Variants in ANKS1B observed in about 807,000 individuals in gnomAD.
ANKS1B encodes ankyrin repeat and sterile alpha motif domain containing 1B.
A neutral mutation model predicts 148.3 loss-of-function variants in ANKS1B; 36 were observed. The observed-to-expected ratio is 0.24, with a 90% CI of 0.19 to 0.32. ANKS1B has a LOEUF of 0.32. Among genes scored for constraint, ANKS1B ranks in the 10% least tolerant of loss-of-function variants. The pLI is 1.00. For synonymous variants in ANKS1B, 542 were observed against 560.8 expected (o/e 0.97, Z 0.47); for missense variants, 1,157 against 1,542.6 (o/e 0.75, Z 4.19).
At chr12:99,423,646 A>G (rs2095163792) in intron 11 of ANKS1B, among the ~76,000 whole-genome samples, 1 of 152,120 alleles carries the variant, frequency 6.6e-6, no homozygotes. Context: ...ATGGAATATT[A>G]TGCAACAGAA....
rs150610567 is a variant in ANKS1B at position 99,004,457 on chromosome 12, C to G, written c.2778+48700G>C. ...TAGGGATAAATTACTATTTTTATTA[C>G]TATTTTGATGATGGGCTCTTAATAA... is the stretch of plus-strand genomic sequence containing the variant. On this transcript the variant is annotated intron_variant, in intron 17 of 26. Transcript: ENST00000683438. Among the ~76,000 whole-genome samples the G allele has an allele frequency of 5.0e-3, 755 of 152,238 alleles. 2 individuals carry two copies. The highest frequency in any genetic ancestry group is 0.017 in the African/African-American group (709 of 41,536).
At chr12:99,847,912 G>T (rs931887212) in intron 1 of ANKS1B, among the ~76,000 whole-genome samples, 2 of 152,100 alleles carry the variant, frequency 1.3e-5, no homozygotes, top group African/African-American at 2.4e-5. Context: ...TTAAGGCAGA[G>T]TGGGAGTAGA....
At chr12:99,623,981 CAT>C (rs2153381029) in intron 9 of ANKS1B, among the ~76,000 whole-genome samples, 1 of 152,154 alleles carries the variant, frequency 6.6e-6, no homozygotes, top group African/African-American at 2.4e-5. Context: ...AAGTTGGATA[CAT>C]CTTATTACCC....
chr12:99,463,098 G>A (rs549242967), intron 10 of ANKS1B, among the ~76,000 whole-genome samples: 10 of 152,100 alleles, frequency 6.6e-5, no homozygotes, highest in South Asian at 2.1e-4. Flanking sequence ...TAATTCACAC[G>A]GTGAAAAAAA....
At chr12:99,287,198 A>G (rs952652468) in intron 12 of ANKS1B, among the ~76,000 whole-genome samples, 2 of 152,222 alleles carry the variant, frequency 1.3e-5, no homozygotes, top group Non-Finnish European at 2.9e-5. Context: ...CAGGGAGCCC[A>G]GCATGCAGAG....
At chr12:99,981,929 A>G (rs2153864795) in intron 1 of ANKS1B, among the ~76,000 whole-genome samples, 1 of 152,290 alleles carries the variant, frequency 6.6e-6, no homozygotes, top group East Asian at 1.9e-4. Flanking sequence ...TTATCCTGCC[A>G]ATAAATTTCT....
chr12:98,921,971 C>T (rs1330980795), intron 17 of ANKS1B, among the ~76,000 whole-genome samples: 1 of 152,194 alleles, frequency 6.6e-6, no homozygotes, highest in Non-Finnish European at 1.5e-5. Context: ...CCTATAACCT[C>T]AAACAAATGT....
intron 14 of ANKS1B, among the ~76,000 whole-genome samples, chr12:99,155,246 G>A (rs1161119843): frequency 1.3e-5 from 2 of 151,854 alleles, no homozygotes; most frequent in African/African-American, 2.4e-5. Flanking sequence ...ACAGATAAAC[G>A]TTTCTGATCT....
chr12:99,063,266 C>T (rs1478720053), intron 16 of ANKS1B, among the ~76,000 whole-genome samples: 2 of 152,144 alleles, frequency 1.3e-5, no homozygotes, highest in Non-Finnish European at 1.5e-5. Flanking sequence ...CAGGTACTTC[C>T]CTCTATTCTG....
chr12:99,261,951 C>G (rs1333451954), intron 12 of ANKS1B, among the ~76,000 whole-genome samples: 2 of 152,102 alleles, frequency 1.3e-5, no homozygotes, highest in Non-Finnish European at 2.9e-5. Flanking sequence ...GCTCCTACTA[C>G]ACTCCTTTTC....
At chr12:98,864,996 T>C (rs7310600) in intron 17 of ANKS1B, among the ~76,000 whole-genome samples, 15,783 of 152,222 alleles carry the variant, frequency 0.1, 1,101 homozygotes, top group East Asian at 0.24. Context: ...GCTCGCCTTG[T>C]AAATCTTCAA....
intron 17 of ANKS1B, among the ~76,000 whole-genome samples, chr12:98,944,757 T>C (rs1481317416): frequency 1.3e-5 from 2 of 152,246 alleles, no homozygotes; most frequent in African/African-American, 4.8e-5. Flanking sequence ...AATACTTCTC[T>C]TGCTATGCGG....
In ANKS1B at chr12:99,489,147, C is replaced by CT. The variant is rs553034525; in HGVS notation, c.1438+15328_1438+15329insA. Among the ~76,000 whole-genome samples the CT allele has an allele frequency of 5.6e-3, 844 of 150,712 alleles. 11 individuals carry two copies. The highest frequency in any genetic ancestry group is 0.019 in the African/African-American group (792 of 40,990). On this transcript the variant is annotated intron_variant, in intron 10 of 26. Transcript: ENST00000683438. ...ATCCCAGCTACTCAGGAGGCTGAGG[C>CT]AGGAGAATCACTTGAACCCGGGAGG...
At position 99,422,612 on chromosome 12, in the gene ANKS1B, A is replaced by G. The variant is rs78630633; in HGVS notation, c.1575+21061T>C. 3.3e-3 allele frequency among the ~76,000 whole-genome samples: 498 copies of G among 152,350 alleles called. 1 individual carries two copies. The highest frequency in any genetic ancestry group is 0.011 in the African/African-American group (474 of 41,584). On this transcript the variant is annotated intron_variant, in intron 11 of 26. Coordinates refer to ENST00000683438, the MANE Select transcript of ANKS1B (RefSeq NM_001352186.2). ...CCGTAATCCTGATGTTTACAGCAGG[A>G]AAAGATACAGACAGCACATGTAAGG...
At chr12:99,423,926 C>G (rs375776233) in intron 11 of ANKS1B, among the ~76,000 whole-genome samples, 1 of 151,740 alleles carries the variant, frequency 6.6e-6, no homozygotes, top group East Asian at 1.9e-4. Context: ...TCTGTATAAC[C>G]CCCCCACCCC....
chr12:99,877,056 T>C (rs868606189), intron 1 of ANKS1B, among the ~76,000 whole-genome samples: 2 of 152,138 alleles, frequency 1.3e-5, no homozygotes. Flanking sequence ...ACTGGTATCC[T>C]ACACAGTATA....
chr12:99,752,322 G>A (rs890603703), intron 8 of ANKS1B, among the ~76,000 whole-genome samples: 1 of 151,834 alleles, frequency 6.6e-6, no homozygotes, highest in South Asian at 2.1e-4. Flanking sequence ...TTACTGGACT[G>A]CTTGCTTGGT....
chr12:98,766,028 A>C (rs1006960603), intron 25 of ANKS1B, among the ~76,000 whole-genome samples: 1 of 152,238 alleles, frequency 6.6e-6, no homozygotes, highest in African/African-American at 2.4e-5. Context: ...CAACAAATAC[A>C]TGCATAAATG....
chr12:99,594,321 T>C (rs993345559), intron 9 of ANKS1B, among the ~76,000 whole-genome samples: 2 of 152,050 alleles, frequency 1.3e-5, no homozygotes, highest in Non-Finnish European at 2.9e-5. Flanking sequence ...AAACTAAAAA[T>C]AGAACCACCA....
Sources: allele counts gnomAD v4.1 joint callset (sites outside exome capture counted in the v4.1 genomes callset), GRCh38; gene constraint gnomAD v4.1.1; transcripts MANE v1.5; gene names NCBI Gene and HGNC (gene_info 2026-07-23, HGNC 2026-07-21).